The following RTL9 variants were observed in gnomAD, a reference collection of about 807,000 sequenced individuals.
RTL9 encodes the protein retrotransposon Gag like 9, also known as retrotransposon Gag-like protein 9.
A neutral mutation model predicts 44.7 loss-of-function variants in RTL9; 19 were observed. The ratio of observed to expected loss-of-function variants is 0.42; its 90% CI spans 0.30 to 0.62. The LOEUF (loss-of-function observed/expected upper bound fraction) is 0.62, where lower values mean the gene tolerates loss of function less well. RTL9 is among the 20% of genes least tolerant of loss of function. The pLI, the probability that RTL9 is intolerant of heterozygous loss-of-function variation, is 0.16. For synonymous variants in RTL9, 407 were observed against 398.9 expected (o/e 1.02, Z -0.24); for missense variants, 1,105 against 1,080.6 (o/e 1.02, Z -0.32).
chrX:110,409,781 G>C (rs773059158), intron 1 of RTL9, among the ~76,000 whole-genome samples: 5 of 111,252 alleles, frequency 4.5e-5, no homozygotes, highest in Non-Finnish European at 9.4e-5. Flanking sequence ...TAAGAGAATG[G>C]GCTCCCACTT....
intron 1 of RTL9, among the ~76,000 whole-genome samples, chrX:110,441,061 T>A (rs1385598597): frequency 3.6e-5 from 4 of 112,263 alleles, no homozygotes; most frequent in South Asian, 7.5e-4. Context: ...ATTCTTGGAC[T>A]GGCCCTGGGG....
At position 110,453,546 on chromosome X, in the gene RTL9, A is replaced by G. The variant is rs911607106; in HGVS notation, c.2929A>G (p.Met977Val). 8.3e-7 allele frequency: 1 copy of G among 1,212,106 alleles called. No homozygotes were observed. Among genetic ancestry groups the G allele is most frequent in the African/African-American group, 1.7e-5 (1 of 57,893 alleles). ...AGCCATGGCTTCTGGAGAGATGTCT[A>G]TGCCGCTAATGGAAACCATGGCCTC... Residue 977 changes from methionine to valine, a missense_variant, in exon 1 of 2, where the codon ATG becomes GTG. Met to Val is a conservative substitution (Grantham distance 21). Coordinates refer to ENST00000540313, the Ensembl canonical transcript of RTL9.
At chrX:110,359,613 T>G (rs979046837) in intron 1 of RTL9, among the ~76,000 whole-genome samples, 2 of 111,647 alleles carry the variant, frequency 1.8e-5, no homozygotes, top group African/African-American at 6.5e-5. Context: ...CTGATGGAAT[T>G]TAACTATCTA....
chrX:110,391,724 A>G (rs1345366559), intron 1 of RTL9, among the ~76,000 whole-genome samples: 4 of 112,304 alleles, frequency 3.6e-5, no homozygotes, highest in Non-Finnish European at 7.5e-5. Flanking sequence ...AAGCCATAAC[A>G]TGTGGATGAA....
upstream of RTL9, among the ~76,000 whole-genome samples, chrX:110,415,162 C>T (rs767895269): frequency 1.8e-5 from 2 of 111,947 alleles, no homozygotes; most frequent in African/African-American, 6.5e-5. Context: ...TCCCCAGGGC[C>T]GTAGCACCAG....
intron 1 of RTL9, among the ~76,000 whole-genome samples, chrX:110,413,222 C>T (rs1460437807): frequency 9.0e-6 from 1 of 111,345 alleles, no homozygotes; most frequent in Non-Finnish European, 1.9e-5. Context: ...TCCCCCTACA[C>T]CCTGGATAAA....
intron 1 of RTL9, among the ~76,000 whole-genome samples, chrX:110,408,860 C>T (rs944106511): frequency 7.1e-5 from 8 of 112,469 alleles, no homozygotes; most frequent in African/African-American, 2.6e-4. Flanking sequence ...TTTATTTTCT[C>T]TTTATGTGGC....
chrX:110,447,577 AATTATT>A (rs2068915297), upstream of RTL9, among the ~76,000 whole-genome samples: 1 of 110,663 alleles, frequency 9.0e-6, no homozygotes, highest in African/African-American at 3.3e-5. Flanking sequence ...ATTTAAAAAA[AATTATT>A]ATTATTATTT....
chrX:110,442,221 T>C (rs867073704), intron 1 of RTL9, among the ~76,000 whole-genome samples: 8 of 72,778 alleles, frequency 1.1e-4, no homozygotes, highest in Non-Finnish European at 1.8e-4. Flanking sequence ...ATCGAAGTCT[T>C]TCTCTCTCTC....
intron 1 of RTL9, among the ~76,000 whole-genome samples, chrX:110,398,119 C>G (rs1433694510): frequency 8.9e-6 from 1 of 112,136 alleles, no homozygotes; most frequent in African/African-American, 3.2e-5. Context: ...TGCTTTCTGG[C>G]AATGTGTGAT....
At chrX:110,400,613 A>G (rs770015814) in intron 1 of RTL9, among the ~76,000 whole-genome samples, 2 of 110,836 alleles carry the variant, frequency 1.8e-5, no homozygotes, top group East Asian at 5.7e-4. Context: ...TATTCCCTTT[A>G]CTTGGAATAC....
exon 1 of RTL9, chrX:110,452,244 G>C: frequency 8.3e-7 from 1 of 1,211,751 alleles, no homozygotes; most frequent in Non-Finnish European, 1.1e-6. Context: ...GCAAATGAGA[G>C]CCCCTGTCTC....
chrX:110,360,355 T>C (rs1006253400), intron 1 of RTL9, among the ~76,000 whole-genome samples: 3 of 111,988 alleles, frequency 2.7e-5, no homozygotes, highest in Non-Finnish European at 5.6e-5. Flanking sequence ...AGGCAAAATA[T>C]GCATAGCACT....
At chrX:110,448,998 A>G (rs775420282), upstream of RTL9, among the ~76,000 whole-genome samples, 1 of 110,713 alleles carries the variant, frequency 9.0e-6, no homozygotes, top group African/African-American at 3.3e-5. Context: ...TACAATTATT[A>G]CAATAACCAG....
chrX:110,405,098 C>G lies in RTL9; in HGVS notation c.-167-40055C>G, dbSNP rs192380695. On this transcript the variant is annotated intron_variant, in intron 1 of 2. Transcript: ENST00000520821. ...GGTGTGCTTGTTGTGTCCCCCCCCCCCCCAAGCATGAGTCAGAGCCTTTCA... is the reference window on the plus strand; with the variant it reads ...GGTGTGCTTGTTGTGTCCCCCCCCCGCCCAAGCATGAGTCAGAGCCTTTCA... Among the ~76,000 whole-genome samples the G allele has an allele frequency of 2.7e-3, 270 of 101,674 alleles. 4 individuals carry two copies. The highest frequency in any genetic ancestry group is 0.019 in the Middle Eastern group (4 of 207). 88.3% of individuals were successfully genotyped at this position (101,674 alleles called of 115,157 possible). A position where few individuals can be genotyped will look rare whatever the true frequency, so the allele number is the denominator to read the frequency against.
At chrX:110,451,830 G>A in exon 1 of RTL9, 1 of 1,210,895 alleles carries the variant, frequency 8.3e-7, no homozygotes, top group Non-Finnish European at 1.1e-6. Flanking sequence ...ACCAGTAAGA[G>A]CTTTAGATTC....
chrX:110,452,094 G>A (rs1439977875), exon 1 of RTL9: 1 of 1,212,009 alleles, frequency 8.3e-7, no homozygotes, highest in Non-Finnish European at 1.1e-6. Context: ...GAGAGCCACA[G>A]CCTCTGGAAA....
intron 1 of RTL9, among the ~76,000 whole-genome samples, chrX:110,372,828 C>G (rs2068348884): frequency 9.0e-6 from 1 of 111,401 alleles, no homozygotes; most frequent in Non-Finnish European, 1.9e-5. Context: ...TCACCACTCA[C>G]AGGAAAAATG....
rs150383653 is a variant in RTL9, at chrX:110,450,737, G to C, written c.120G>C (p.Gln40His). The change falls in exon 1 of 2, where the codon CAG (glutamine) becomes CAC (histidine). Residue 40 changes from glutamine to histidine, a missense_variant. Gln to His is a conservative substitution (Grantham distance 24). Transcript: ENST00000540313. The stretch of plus-strand genomic sequence containing the variant: ...TGACAGAGACCAGAGCAGACGTACA[G>C]ATTCTGCATTCTCATGTACAGTTGC... 2.0e-4 allele frequency: 236 copies of C among 1,209,193 alleles called. No individual in the cohort carries two copies. The highest frequency in any genetic ancestry group is 8.7e-4 in the Admixed American group (40 of 45,749).
Sources: allele counts gnomAD v4.1 joint callset (sites outside exome capture counted in the v4.1 genomes callset), GRCh38; gene constraint gnomAD v4.1.1; transcripts MANE v1.5; gene names NCBI Gene and HGNC (gene_info 2026-07-23, HGNC 2026-07-21).